Variants in ACAT2 observed in about 807,000 individuals in gnomAD.
ACAT2 encodes acetyl-CoA acetyltransferase, cytosolic.
In ACAT2, 26 loss-of-function variants were observed where a neutral mutation model predicts 37.1. The observed-to-expected ratio is 0.70, with a 90% CI of 0.51 to 0.97. ACAT2 has a LOEUF of 0.97. Ranked by LOEUF, ACAT2 falls within the 50% of genes least tolerant of loss-of-function variation. ACAT2 has a pLI of 0.00. For missense variants in ACAT2, 468 were observed against 489.0 expected (o/e 0.96, Z 0.40); for synonymous variants, 156 against 163.6 (o/e 0.95, Z 0.35).
intron 2 of ACAT2, among the ~76,000 whole-genome samples, chr6:159,763,900 G>A (rs1316494322): frequency 6.6e-6 from 1 of 151,986 alleles, no homozygotes; most frequent in Non-Finnish European, 1.5e-5. Context: ...AGGAGATCAA[G>A]ACCATCCTGG....
chr6:159,762,509 A>C, intron 1 of ACAT2: 1 of 1,300,848 alleles, frequency 7.7e-7, no homozygotes, highest in Non-Finnish European at 9.9e-7. Flanking sequence ...CGGAACTGCT[A>C]GGTGGTCTGA....
intron 4 of ACAT2, among the ~76,000 whole-genome samples, chr6:159,771,287 G>T (rs532636410): frequency 2.0e-5 from 3 of 152,154 alleles, no homozygotes; most frequent in African/African-American, 7.2e-5. Flanking sequence ...GGCTGAGGCA[G>T]GAGAATCGCT....
At chr6:159,776,386 C>G (rs558719725) in intron 6 of ACAT2, 114 bp downstream of exon 6, 1 of 1,283,582 alleles carries the variant, frequency 7.8e-7, no homozygotes, top group African/African-American at 1.5e-5. Flanking sequence ...CAGGGACTCA[C>G]TCTGCCAGCC....
At chr6:159,765,622 G>C (rs1365085947) in intron 2 of ACAT2, among the ~76,000 whole-genome samples, 1 of 150,986 alleles carries the variant, frequency 6.6e-6, no homozygotes, top group South Asian at 2.1e-4. Flanking sequence ...TAGAGAGGGG[G>C]GGTTTCACCA....
chr6:159,764,793 A>G (rs1780228146), intron 2 of ACAT2, among the ~76,000 whole-genome samples: 1 of 152,156 alleles, frequency 6.6e-6, no homozygotes, highest in Admixed American at 6.5e-5. Context: ...TCCTTTCATT[A>G]CCTCATTTAA....
intron 3 of ACAT2, among the ~76,000 whole-genome samples, chr6:159,768,064 G>A (rs1780282038): frequency 1.3e-5 from 2 of 152,192 alleles, no homozygotes; most frequent in Non-Finnish European, 2.9e-5. Flanking sequence ...TGAGAGTTAA[G>A]ACTGGCCGCT....
intron 8 of ACAT2, 141 bp downstream of exon 8, chr6:159,778,421 G>GT (rs771845764): frequency 6.5e-5 from 23 of 352,696 alleles, no homozygotes; most frequent in African/African-American, 5.8e-4. Context: ...ACTTCCCAAG[G>GT]TTTAAAAAAA....
At position 159,762,951 on chromosome 6, in the gene ACAT2, G is replaced by A. The variant is rs1333290425; in HGVS notation, c.88G>A (p.Val30Ile). 1 of 1,614,016 alleles carries A rather than the reference G, an allele frequency of 6.2e-7. No individual in the cohort carries two copies. Among genetic ancestry groups the A allele is most frequent in the African/African-American group, 1.3e-5 (1 of 75,024 alleles). ...SFNGALAAVP[V>I]QDLGSTVIKE... is the part of the protein sequence containing the mutation. The stretch of plus-strand genomic sequence containing the variant: ...CAATGGTGCCTTAGCTGCTGTTCCT[G>A]TCCAGGACCTGGGCTCCACTGTCAT... The change falls in exon 2 of 9, where the codon GTC (valine) becomes ATC (isoleucine). Residue 30 changes from valine (V) to isoleucine (I), a missense_variant. Coordinates refer to ENST00000367048, the MANE Select transcript of ACAT2 (RefSeq NM_005891.3).
At chr6:159,769,307 C>T (rs936097657) in intron 4 of ACAT2, among the ~76,000 whole-genome samples, 24 of 152,204 alleles carry the variant, frequency 1.6e-4, no homozygotes, top group Admixed American at 1.6e-3. Flanking sequence ...ATCTTGACCA[C>T]TTCTCGACTT....
At chr6:159,772,959 A>ACC (rs1438803541) in intron 4 of ACAT2, among the ~76,000 whole-genome samples, 1 of 151,658 alleles carries the variant, frequency 6.6e-6, no homozygotes, top group Non-Finnish European at 1.5e-5. Context: ...GCTCACTGCA[A>ACC]CCCCCACCTC....
At chr6:159,773,217 T>C (rs944801284) in intron 4 of ACAT2, among the ~76,000 whole-genome samples, 3 of 152,072 alleles carry the variant, frequency 2.0e-5, no homozygotes, top group Non-Finnish European at 2.9e-5. Context: ...GCTTGTGGTG[T>C]TAGGTTGCAT....
chr6:159,766,435 C>G (rs1381108220), intron 2 of ACAT2, among the ~76,000 whole-genome samples: 2 of 151,862 alleles, frequency 1.3e-5, no homozygotes, highest in African/African-American at 4.8e-5. Context: ...GAGTTTCGCC[C>G]TTGTTGCCCA....
rs761561363 is a variant in ACAT2, at chr6:159,777,359, G to A, written c.815G>A (p.Arg272His). The A allele has an allele frequency of 2.0e-5, 32 of 1,614,176 alleles. No homozygotes were observed. The highest frequency in any genetic ancestry group is 2.5e-5 in the Non-Finnish European group (30 of 1,180,024). The change falls in exon 7 of 9, where the codon CGT (arginine) becomes CAT (histidine). Residue 272 changes from arginine to histidine, a missense_variant. Physicochemically the swap from Arg to His is conservative, Grantham distance 29 (BLOSUM62 0). Transcript: ENST00000367048. ...ATGAAGAAGTCAGAAGCTGATAAACGTGGGCTTACACCTTTAGCACGGATA... is the reference window on the plus strand; with the variant it reads ...ATGAAGAAGTCAGAAGCTGATAAACATGGGCTTACACCTTTAGCACGGATA... ...VLMKKSEADKRGLTPLARIVS... is the reference protein window; with the variant it reads ...VLMKKSEADKHGLTPLARIVS...
chr6:159,763,973 C>T (rs1299561938), intron 2 of ACAT2, among the ~76,000 whole-genome samples: 4 of 151,120 alleles, frequency 2.6e-5, no homozygotes, highest in African/African-American at 7.3e-5. Flanking sequence ...TGGTGGCGGG[C>T]GCCTGTATTC....
At chr6:159,762,564 G>A (rs1348902406) in intron 1 of ACAT2, 1 of 1,340,680 alleles carries the variant, frequency 7.5e-7, no homozygotes, top group Non-Finnish European at 9.7e-7. Context: ...ATGGCTAGAA[G>A]TCGTGACTTC....
In ACAT2 at chr6:159,778,225, C is replaced by A. The variant is rs202015012; in HGVS notation, c.968C>A (p.Ala323Asp). Reference sequence around the variant, plus strand: ...GTTGACATATTTGAAATCAATGAAGCCTTTGCAGCTGTCTCTGCTGCAATA... The same window carrying A: ...GTTGACATATTTGAAATCAATGAAGACTTTGCAGCTGTCTCTGCTGCAATA... ...EDVDIFEINE[A>D]FAAVSAAIVK... Residue 323 changes from alanine (A) to aspartate (D), a missense_variant, in exon 8 of 9, where the codon GCC becomes GAC. Physicochemically the swap from Ala to Asp is moderately radical, Grantham distance 126. Transcript: ENST00000367048. 1.2e-6 allele frequency: 2 copies of A among 1,612,396 alleles called. No homozygotes were observed. Among genetic ancestry groups the A allele is most frequent in the East Asian group, 4.5e-5 (2 of 44,846 alleles).
At chr6:159,772,628 A>G (rs761547976) in intron 4 of ACAT2, among the ~76,000 whole-genome samples, 24 of 152,278 alleles carry the variant, frequency 1.6e-4, no homozygotes, top group Non-Finnish European at 2.5e-4. Flanking sequence ...AGAAGTATAT[A>G]TAAGAGAATA....
intron 5 of ACAT2, 28 bp from the exon 6 acceptor site, chr6:159,776,122 C>T: frequency 6.2e-7 from 1 of 1,611,062 alleles, no homozygotes; most frequent in Non-Finnish European, 8.5e-7. Flanking sequence ...CTGGACTAAT[C>T]TTGAGTAATT....
At chr6:159,766,436 T>C (rs977924165) in intron 2 of ACAT2, among the ~76,000 whole-genome samples, 1 of 151,788 alleles carries the variant, frequency 6.6e-6, no homozygotes, top group Non-Finnish European at 1.5e-5. Flanking sequence ...AGTTTCGCCC[T>C]TGTTGCCCAG....
Sources: gnomAD v4.1 joint callset for allele counts (sites outside exome capture counted in the v4.1 genomes callset) on GRCh38, gnomAD v4.1.1 for gene constraint, MANE v1.5 for transcripts, NCBI Gene and HGNC (gene_info 2026-07-23, HGNC 2026-07-21) for gene names.